Variants in CDH3 observed in about 807,000 individuals in gnomAD.
CDH3 encodes the protein cadherin-3.
In CDH3, 54 loss-of-function variants were observed where a neutral mutation model predicts 82.0. The ratio of observed to expected loss-of-function variants is 0.66; its 90% CI spans 0.53 to 0.83. The LOEUF (loss-of-function observed/expected upper bound fraction) is 0.83, where lower values mean the gene tolerates loss of function less well. Ranked by LOEUF, CDH3 falls within the 40% of genes least tolerant of loss-of-function variation. The pLI is 0.00. For synonymous variants in CDH3, 446 were observed against 437.9 expected, an observed-to-expected ratio of 1.02 and a Z score of -0.23; for missense variants, 1,054 against 1,084.6, an observed-to-expected ratio of 0.97 and a Z score of 0.40.
At chr16:68,688,880 A>G (rs1017453855) in intron 12 of CDH3, among the ~76,000 whole-genome samples, 2 of 152,154 alleles carry the variant, frequency 1.3e-5, no homozygotes, top group Admixed American at 6.5e-5. Flanking sequence ...TTGGCCTTCC[A>G]AAGTGCTGAG....
At chr16:68,714,204 G>A (rs760920342) in intron 1 of CDH3, among the ~76,000 whole-genome samples, 2 of 152,130 alleles carry the variant, frequency 1.3e-5, no homozygotes, top group African/African-American at 2.4e-5. Context: ...AAAGTGGTGG[G>A]ATTATAGGCG....
chr16:68,698,070 A>ATT, intron 15 of CDH3, 121 bp from the exon 16 acceptor site: 1 of 904,018 alleles, frequency 1.1e-6, no homozygotes, highest in Non-Finnish European at 1.8e-6. Flanking sequence ...GCATTCTTTC[A>ATT]TTTCTACCTC....
In CDH3 at chr16:68,680,986, C is replaced by G. The variant is rs565345878; in HGVS notation, c.886C>G (p.Leu296Val). Residue 296 changes from leucine (L) to valine (V), a missense_variant, in exon 8 of 16, where the codon CTG becomes GTG. Physicochemically the swap from Leu to Val is conservative, Grantham distance 32. Coordinates refer to ENST00000264012, the MANE Select transcript of CDH3 (RefSeq NM_001793.6). Reference sequence around the variant, plus strand: ...TCCCCAGAAAGTCCCTGAGTACACACTGACCATCCAGGCCACAGACATGGA... The same window carrying G: ...TCCCCAGAAAGTCCCTGAGTACACAGTGACCATCCAGGCCACAGACATGGA... ...LDREKVPEYTLTIQATDMDGD... is the reference protein window; with the variant it reads ...LDREKVPEYTVTIQATDMDGD... 105 of 1,614,138 alleles carry G rather than the reference C, an allele frequency of 6.5e-5. No individual in the cohort carries two copies. In the South Asian group the frequency reaches 1.1e-3, roughly 17 times the overall value.
At chr16:68,651,685 A>G in intron 2 of CDH3, 1 of 512,010 alleles carries the variant, frequency 2.0e-6, no homozygotes, top group East Asian at 4.7e-5. Flanking sequence ...GCCTTGATGA[A>G]GTTGGAGAGG....
intron 8 of CDH3, 80 bp downstream of exon 8, chr16:68,681,176 C>A: frequency 6.6e-7 from 1 of 1,504,886 alleles, no homozygotes; most frequent in South Asian, 1.1e-5. Context: ...TGGAACCAGT[C>A]TATATTGCTT....
At chr16:68,670,265 T>A (rs1317275876) in intron 2 of CDH3, among the ~76,000 whole-genome samples, 1 of 149,600 alleles carries the variant, frequency 6.7e-6, no homozygotes, top group African/African-American at 2.5e-5. Flanking sequence ...AGTACTTAAG[T>A]AGTTCTTGAA....
At chr16:68,711,372 AAGAG>A (rs138935728) in intron 1 of CDH3, among the ~76,000 whole-genome samples, 1 of 151,858 alleles carries the variant, frequency 6.6e-6, no homozygotes, top group African/African-American at 2.4e-5. Context: ...AGAAGAAAGA[AAGAG>A]AAAGAGCAGG....
chr16:68,653,617 A>G (rs1401685697), intron 2 of CDH3, among the ~76,000 whole-genome samples: 2 of 151,414 alleles, frequency 1.3e-5, no homozygotes, highest in African/African-American at 4.9e-5. Flanking sequence ...CCTTATCCTG[A>G]TGCTTGCTTC....
At chr16:68,729,733 G>C (rs1449297106), downstream of CDH3, among the ~76,000 whole-genome samples, 1 of 152,058 alleles carries the variant, frequency 6.6e-6, no homozygotes, top group Non-Finnish European at 1.5e-5. Context: ...CTGGGCTCAA[G>C]TGACTCTCTT....
intron 1 of CDH3, among the ~76,000 whole-genome samples, chr16:68,710,948 GGA>G (rs1159382294): frequency 1.7e-5 from 2 of 120,658 alleles, no homozygotes; most frequent in African/African-American, 3.1e-5. Context: ...GGGGAGGGGA[GGA>G]GAGGGGAGGG....
chr16:68,731,515 TAC>T (rs1184478445), downstream of CDH3, among the ~76,000 whole-genome samples: 21 of 33,644 alleles, frequency 6.2e-4, 2 homozygotes, highest in South Asian at 2.4e-3. Context: ...CACACACATA[TAC>T]ACACACACAC....
At chr16:68,705,536 C>T (rs1028487018) in intron 1 of CDH3, among the ~76,000 whole-genome samples, 1 of 151,948 alleles carries the variant, frequency 6.6e-6, no homozygotes, top group Admixed American at 6.6e-5. Context: ...ATCCTCCTGC[C>T]TCAGCCTCCC....
At chr16:68,704,919 TGA>T (rs1961941592), downstream of CDH3, among the ~76,000 whole-genome samples, 1 of 152,124 alleles carries the variant, frequency 6.6e-6, no homozygotes, top group African/African-American at 2.4e-5. Flanking sequence ...TTGATTCATC[TGA>T]GTGTGGTGAC....
rs777797537 is a variant in CDH3 at position 68,685,183 on chromosome 16, C to T, written c.1425-22C>T. 5.6e-5 allele frequency: 90 copies of T among 1,613,470 alleles called. No individual in the cohort carries two copies. The Middle Eastern group carries it at 6.6e-4, about 12-fold the overall frequency. On this transcript the variant is annotated intron_variant, in intron 10 of 15. Transcript: ENST00000264012. ...GAATTCTAAATATTCTGGATGTACT[C>T]GTCTCAACTTTTCCTCTCCAGCTAC...
chr16:68,680,827 G>A, intron 7 of CDH3, 141 bp from the exon 8 acceptor site: 1 of 869,544 alleles, frequency 1.2e-6, no homozygotes, highest in Non-Finnish European at 1.9e-6. Flanking sequence ...AGTGGGTGAG[G>A]GGTGGTCAAG....
At position 68,687,533 on chromosome 16, in the gene CDH3, C is replaced by T. The variant is rs376645345; in HGVS notation, c.1592C>T (p.Thr531Met). ...ACAGGAAGCCCTCCCACCACTGGCA[C>T]GGGAACCCTTCTGCTAACACTGATT... The part of the protein sequence containing the change: ...MDNGSPPTTG[T>M]GTLLLTLIDV... The change falls in exon 12 of 16, where the codon ACG becomes ATG. Residue 531 changes from threonine to methionine, a missense_variant. Coordinates refer to ENST00000264012, the MANE Select transcript of CDH3 (RefSeq NM_001793.6). 46 of 1,613,946 alleles carry T rather than the reference C, an allele frequency of 2.9e-5. No individual in the cohort carries two copies. In the East Asian group the frequency reaches 5.3e-4, roughly 19 times the overall value.
chr16:68,657,381 G>T (rs1960433806), intron 2 of CDH3, among the ~76,000 whole-genome samples: 1 of 152,188 alleles, frequency 6.6e-6, no homozygotes, highest in African/African-American at 2.4e-5. Context: ...GGGCATGGTG[G>T]CGTGTGCCTG....
chr16:68,723,336 C>G (rs1962184634), intron 2 of CDH3, among the ~76,000 whole-genome samples: 1 of 151,780 alleles, frequency 6.6e-6, no homozygotes, highest in South Asian at 2.1e-4. Context: ...TGTACTTTGT[C>G]TGGAGGTTGA....
Position 68,689,552 on chromosome 16 carries a change from AAAAAG to A in CDH3, c.1795+1820_1795+1824del, listed in dbSNP as rs1349119058. On this transcript the variant is annotated intron_variant, in intron 12 of 15. Transcript: ENST00000264012. ...CTCTGTCTCAGAAAAATTAAAAAAAAAAAAGAAAGAAAGAAAAAGTGCCCATTTAG... is the reference window on the plus strand; with the variant it reads ...CTCTGTCTCAGAAAAATTAAAAAAAAAAAGAAAGAAAAAGTGCCCATTTAG... Among the ~76,000 whole-genome samples, 12 of 104,066 alleles carry A rather than the reference AAAAAG, an allele frequency of 1.2e-4. No homozygotes were observed. The East Asian group carries it at 2.8e-3, about 24-fold the overall frequency. The allele number at this position is 104,066 out of a possible 152,430, so 68.3% of individuals were successfully genotyped here.
Sources: gnomAD v4.1 joint callset for allele counts (sites outside exome capture counted in the v4.1 genomes callset) on GRCh38, gnomAD v4.1.1 for gene constraint, MANE v1.5 for transcripts, NCBI Gene and HGNC (gene_info 2026-07-23, HGNC 2026-07-21) for gene names.